The following MAP2K5 variants were observed in gnomAD, a reference collection of about 807,000 sequenced individuals.
The protein encoded by MAP2K5 is dual specificity mitogen-activated protein kinase kinase 5.
A neutral mutation model predicts 83.1 loss-of-function variants in MAP2K5; 49 were observed. That is an observed-to-expected ratio of 0.59 (90% CI 0.47 to 0.75). The LOEUF (loss-of-function observed/expected upper bound fraction) is 0.75. Ranked by LOEUF, MAP2K5 falls within the 30% of genes least tolerant of loss-of-function variation. MAP2K5 has a pLI of 0.00. For missense variants in MAP2K5, 457 were observed against 557.5 expected, an observed-to-expected ratio of 0.82 and a Z score of 1.82; for synonymous variants, 202 against 191.8, an observed-to-expected ratio of 1.05 and a Z score of -0.44.
chr15:67,550,115 C>G (rs746922869), intron 2 of MAP2K5, 33 bp downstream of exon 2: 6 of 1,589,560 alleles, frequency 3.8e-6, no homozygotes, highest in Non-Finnish European at 5.2e-6. Flanking sequence ...CTTGACTATT[C>G]CTTTCTGCAG....
chr15:67,727,875 A>C (rs1157446277), intron 16 of MAP2K5, 41 bp from the exon 17 acceptor site: 11 of 1,504,580 alleles, frequency 7.3e-6, no homozygotes, highest in East Asian at 2.3e-5. Context: ...TCTGCCCTGC[A>C]TGCAAATCTA....
chr15:67,623,789 G>A (rs1432600951), intron 8 of MAP2K5, among the ~76,000 whole-genome samples: 2 of 151,686 alleles, frequency 1.3e-5, no homozygotes, highest in Non-Finnish European at 2.9e-5. Context: ...TAGAGACGGG[G>A]TTTCTCCATG....
At chr15:67,606,993 C>A (rs1379966116) in intron 8 of MAP2K5, among the ~76,000 whole-genome samples, 1 of 152,136 alleles carries the variant, frequency 6.6e-6, no homozygotes, top group African/African-American at 2.4e-5. Context: ...AGGTCTGGAC[C>A]CAGCTTCGCT....
chr15:67,629,177 A>G (rs2086402488), intron 8 of MAP2K5: 9 of 693,116 alleles, frequency 1.3e-5, no homozygotes, highest in South Asian at 1.3e-4. Context: ...GGAGAGCTAG[A>G]GAAGTGACGG....
At chr15:67,728,139 T>C (rs545131711) in intron 17 of MAP2K5, among the ~76,000 whole-genome samples, 194 bp downstream of exon 17, 15 of 152,346 alleles carry the variant, frequency 9.8e-5, no homozygotes, top group African/African-American at 3.6e-4. Flanking sequence ...TTTTTCTTCT[T>C]GTTAAAGGTT....
chr15:67,658,058 A>G (rs2087132278), intron 11 of MAP2K5, among the ~76,000 whole-genome samples: 1 of 152,020 alleles, frequency 6.6e-6, no homozygotes, highest in African/African-American at 2.4e-5. Context: ...ACTCTTAAAG[A>G]AAGGTTATTA....
chr15:67,609,465 A>G (rs905032763), intron 8 of MAP2K5, among the ~76,000 whole-genome samples: 2 of 151,548 alleles, frequency 1.3e-5, no homozygotes, highest in South Asian at 2.1e-4. Context: ...CTATAGGTCT[A>G]TAGATTCTGT....
chr15:67,566,543 A>G (rs1174945622), intron 3 of MAP2K5, among the ~76,000 whole-genome samples: 1 of 152,198 alleles, frequency 6.6e-6, no homozygotes, highest in Non-Finnish European at 1.5e-5. Flanking sequence ...TTTAAAAGCC[A>G]TATGTGGGAA....
chr15:67,543,491 C>T lies in MAP2K5; in HGVS notation c.135+21C>T, dbSNP rs1193067427. On this transcript the variant is annotated intron_variant, in intron 1 of 21. Transcript: ENST00000178640. This position sits in a 1 kb window ranked among gnomAD's most constrained non-coding sequence, Gnocchi z 4.3. ...TGCTGGTGAGTGGTAATCTCAGTGTCCGGATGCCAGCAAGGGGGACTCAGG... is the reference window on the plus strand; with the variant it reads ...TGCTGGTGAGTGGTAATCTCAGTGTTCGGATGCCAGCAAGGGGGACTCAGG... 6.2e-7 allele frequency: 1 copy of T among 1,613,798 alleles called. No individual in the cohort carries two copies. The highest frequency in any genetic ancestry group is 8.5e-7 in the Non-Finnish European group (1 of 1,179,832).
In MAP2K5 at chr15:67,749,941, C is replaced by T. The variant is rs993431942; in HGVS notation, c.1134+1340C>T. 1.3e-5 allele frequency among the ~76,000 whole-genome samples: 2 copies of T among 152,180 alleles called. No individual in the cohort carries two copies. The highest frequency in any genetic ancestry group is 2.4e-5 in the African/African-American group (1 of 41,436). On this transcript the variant is annotated intron_variant, in intron 19 of 21. Coordinates refer to ENST00000178640, the MANE Select transcript of MAP2K5 (RefSeq NM_145160.3). This position sits in a 1 kb window ranked among gnomAD's most constrained non-coding sequence, Gnocchi z 4.6. ...GCCTTCTGTGTTTCCTGGGCTCTAC[C>T]GTTGGTCTGCCAGGCTCCTAGGCAT...
chr15:67,767,554 A>G (rs971451602), intron 19 of MAP2K5, among the ~76,000 whole-genome samples: 2 of 152,330 alleles, frequency 1.3e-5, no homozygotes, highest in African/African-American at 4.8e-5. Context: ...ACTTTGAACT[A>G]TCTTTTTACT....
chr15:67,745,615 T>G (rs1446973604), intron 17 of MAP2K5, among the ~76,000 whole-genome samples: 4 of 152,228 alleles, frequency 2.6e-5, no homozygotes, highest in Non-Finnish European at 5.9e-5. Context: ...AAAATATGAC[T>G]GTGGCATTAA....
intron 16 of MAP2K5, among the ~76,000 whole-genome samples, chr15:67,712,129 A>T (rs1182733763): frequency 3.3e-5 from 5 of 152,206 alleles, no homozygotes; most frequent in Admixed American, 3.3e-4. Flanking sequence ...CAGAGGCATT[A>T]AGTGAAGGTT....
At chr15:67,618,144 A>G (rs1264746865) in intron 8 of MAP2K5, among the ~76,000 whole-genome samples, 1 of 152,226 alleles carries the variant, frequency 6.6e-6, no homozygotes, top group East Asian at 1.9e-4. Flanking sequence ...TAACATTTCA[A>G]GGAGTAAATA....
intron 16 of MAP2K5, among the ~76,000 whole-genome samples, chr15:67,714,336 T>C (rs946778362): frequency 1.1e-4 from 15 of 136,632 alleles, no homozygotes; most frequent in African/African-American, 4.1e-4. Flanking sequence ...ATAAGAATTA[T>C]GAAACATTAT....
intron 11 of MAP2K5, among the ~76,000 whole-genome samples, chr15:67,648,833 C>T (rs1339056642): frequency 2.6e-5 from 4 of 152,060 alleles, no homozygotes; most frequent in Non-Finnish European, 5.9e-5. Context: ...CCCGCCTTGG[C>T]CTCCCGAGGT....
intron 11 of MAP2K5, among the ~76,000 whole-genome samples, chr15:67,650,367 A>G (rs1166932187): frequency 6.6e-6 from 1 of 152,196 alleles, no homozygotes; most frequent in African/African-American, 2.4e-5. Context: ...TGTTGAATAG[A>G]CTGATGAGAG....
chr15:67,676,988 A>G lies in MAP2K5; in HGVS notation c.847+12343A>G, dbSNP rs2087699662. On this transcript the variant is annotated intron_variant, in intron 13 of 21. Transcript: ENST00000178640. The surrounding 1 kb of genome is among the most constrained non-coding windows in gnomAD (Gnocchi z 4.8). ...GCATATAACAGCTATTATTATGTCA[A>G]ATAATTATTTCTCAAGAAAAGAAGC... 6.6e-6 allele frequency among the ~76,000 whole-genome samples: 1 copy of G among 152,228 alleles called. No individual in the cohort carries two copies. The highest frequency in any genetic ancestry group is 1.5e-5 in the Non-Finnish European group (1 of 68,038).
chr15:67,625,690 C>T (rs1384054252), intron 8 of MAP2K5, among the ~76,000 whole-genome samples: 1 of 152,234 alleles, frequency 6.6e-6, no homozygotes, highest in African/African-American at 2.4e-5. Flanking sequence ...TTGCCTTTGT[C>T]ATCCAGTTCT....
Sources: gnomAD v4.1 joint callset for allele counts (sites outside exome capture counted in the v4.1 genomes callset) on GRCh38, gnomAD v4.1.1 for gene constraint, Gnocchi (gnomAD v3.1) non-coding constraint, MANE v1.5 for transcripts, NCBI Gene and HGNC (gene_info 2026-07-23, HGNC 2026-07-21) for gene names.